The following MOBP variants were observed in gnomAD, a reference collection of about 807,000 sequenced individuals.
MOBP encodes the protein myelin-associated oligodendrocyte basic protein.
A neutral mutation model predicts 15.0 loss-of-function variants in MOBP; 5 were observed. The ratio of observed to expected loss-of-function variants is 0.33; its 90% CI spans 0.17 to 0.70. The LOEUF (loss-of-function observed/expected upper bound fraction) is 0.70, where lower values mean the gene tolerates loss of function less well. Among genes scored for constraint, MOBP ranks in the 30% least tolerant of loss-of-function variants. The pLI, the probability that MOBP is intolerant of heterozygous loss-of-function variation, is 0.67. For missense variants in MOBP, 188 were observed against 257.8 expected (o/e 0.73, Z 1.85); for synonymous variants, 88 against 99.0 (o/e 0.89, Z 0.66).
At chr3:39,484,113 A>G (rs2042666314) in intron 2 of MOBP, among the ~76,000 whole-genome samples, 1 of 152,244 alleles carries the variant, frequency 6.6e-6, no homozygotes, top group Admixed American at 6.5e-5. Flanking sequence ...TACAAGTTAT[A>G]AAGATAGCCC....
intron 1 of MOBP, among the ~76,000 whole-genome samples, chr3:39,469,972 A>T (rs1027741149): frequency 6.6e-6 from 1 of 152,192 alleles, no homozygotes; most frequent in South Asian, 2.1e-4. Flanking sequence ...TGAGGTATTC[A>T]ATTTAGATTC....
At chr3:39,470,115 G>A (rs2042448288) in intron 1 of MOBP, among the ~76,000 whole-genome samples, 1 of 152,180 alleles carries the variant, frequency 6.6e-6, no homozygotes, top group South Asian at 2.1e-4. Flanking sequence ...GCCACTCCAG[G>A]CTGGCTGGCA....
At chr3:39,520,574 A>G (rs35254642), downstream of MOBP, among the ~76,000 whole-genome samples, 11,117 of 132,316 alleles carry the variant, frequency 0.084, 1,335 homozygotes, top group African/African-American at 0.31. Context: ...GTGTGTGTGT[A>G]TGAGAGAGAG....
At chr3:39,494,492 A>G (rs2125646333) in intron 2 of MOBP, among the ~76,000 whole-genome samples, 1 of 152,070 alleles carries the variant, frequency 6.6e-6, no homozygotes, top group East Asian at 1.9e-4. Context: ...TCATCCTGCC[A>G]GAGAGTTCAT....
chr3:39,473,997 G>A (rs1488688819), intron 1 of MOBP, among the ~76,000 whole-genome samples: 3 of 152,208 alleles, frequency 2.0e-5, no homozygotes, highest in African/African-American at 7.2e-5. Flanking sequence ...GGAAATACCA[G>A]TCCAAGGTAG....
chr3:39,468,336 A>G (rs2042372962), intron 1 of MOBP, among the ~76,000 whole-genome samples: 1 of 152,208 alleles, frequency 6.6e-6, no homozygotes, highest in South Asian at 2.1e-4. Context: ...TATGGATGAC[A>G]GAGAAAGGAA....
chr3:39,476,793 T>A (rs940514428), intron 1 of MOBP, among the ~76,000 whole-genome samples: 3 of 152,180 alleles, frequency 2.0e-5, no homozygotes, highest in African/African-American at 7.2e-5. Flanking sequence ...TCTTATTCTT[T>A]ATGGAAAAGC....
downstream of MOBP, chr3:39,526,271 A>G (rs2043322900): frequency 1.3e-5 from 2 of 152,364 alleles, no homozygotes; most frequent in East Asian, 3.9e-4. Context: ...AATTCATGCA[A>G]AAAGTTAGAT....
At position 39,480,045 on chromosome 3, in the gene MOBP, A is replaced by G. The variant is rs2042606209; in HGVS notation, c.-83A>G. 6.6e-6 allele frequency: 1 copy of G among 152,074 alleles called. No homozygotes were observed. The highest frequency in any genetic ancestry group is 2.4e-5 in the African/African-American group (1 of 41,406). 9.4% of individuals were successfully genotyped at this position (152,074 alleles called of 1,614,324 possible). On this transcript the variant is annotated 5_prime_UTR_variant, in exon 2 of 4. Transcript: ENST00000684792. ...TTCTACTGCTTCACTTTTAGGAAAA[A>G]AAAAAAAAGAAGCAAATGATACCAA...
chr3:39,485,255 C>T (rs1025080130), intron 2 of MOBP, among the ~76,000 whole-genome samples: 1 of 152,202 alleles, frequency 6.6e-6, no homozygotes, highest in Non-Finnish European at 1.5e-5. Flanking sequence ...TCCTTAGAGA[C>T]AGCATGTAGT....
chr3:39,511,692 T>C (rs991188702), intron 4 of MOBP, among the ~76,000 whole-genome samples: 1 of 152,202 alleles, frequency 6.6e-6, no homozygotes, highest in Non-Finnish European at 1.5e-5. Flanking sequence ...TCCATCTTCC[T>C]TGCTGGATGG....
downstream of MOBP, among the ~76,000 whole-genome samples, chr3:39,507,322 A>G (rs986320588): frequency 3.3e-5 from 5 of 152,212 alleles, no homozygotes; most frequent in East Asian, 9.6e-4. Flanking sequence ...ACCTAAGCAC[A>G]TTGTAACTTC....
At chr3:39,508,842 T>G (rs1013227485) in intron 4 of MOBP, among the ~76,000 whole-genome samples, 2 of 152,098 alleles carry the variant, frequency 1.3e-5, no homozygotes, top group Non-Finnish European at 2.9e-5. Context: ...CCACCGCGCC[T>G]GGCCCCAACA....
downstream of MOBP, among the ~76,000 whole-genome samples, chr3:39,505,976 C>T (rs145778537): frequency 2.4e-3 from 359 of 152,276 alleles, no homozygotes; most frequent in African/African-American, 8.3e-3. Flanking sequence ...CCCACACGTT[C>T]ATCAGAATAT....
chr3:39,505,017 G>A (rs1226001319), downstream of MOBP, among the ~76,000 whole-genome samples: 4 of 152,308 alleles, frequency 2.6e-5, no homozygotes, highest in East Asian at 5.8e-4. Context: ...CTGATTGTAC[G>A]ATTTCCAGCA....
At position 39,502,484 on chromosome 3, in the gene MOBP, C is replaced by G; in HGVS notation, c.207-51C>G. 2 of 1,544,712 alleles carry G rather than the reference C, an allele frequency of 1.3e-6. No individual in the cohort carries two copies. The highest frequency in any genetic ancestry group is 1.7e-6 in the Non-Finnish European group (2 of 1,152,376). ...CCAGCTCCTGCCAGCGTCGCTTAAG[C>G]AGCAGAGGAGAGCCCTGGCTCCCGC... is the stretch of plus-strand genomic sequence containing the variant. On this transcript the variant is annotated intron_variant, in intron 3 of 3. Transcript: ENST00000684792. This position sits in a 1 kb window ranked among gnomAD's most constrained non-coding sequence, Gnocchi z 6.3.
At chr3:39,511,454 A>T (rs1007626366) in intron 4 of MOBP, among the ~76,000 whole-genome samples, 4 of 152,114 alleles carry the variant, frequency 2.6e-5, no homozygotes, top group African/African-American at 9.7e-5. Flanking sequence ...TGTACTAGTG[A>T]CCTGTTATTT....
chr3:39,487,578 C>T (rs1204652949), intron 2 of MOBP, among the ~76,000 whole-genome samples: 2 of 134,186 alleles, frequency 1.5e-5, no homozygotes, highest in Non-Finnish European at 3.1e-5. Flanking sequence ...GGCTGGAGTG[C>T]AGTGGTGTGA....
downstream of MOBP, among the ~76,000 whole-genome samples, chr3:39,517,379 A>G (rs1459542504): frequency 6.6e-6 from 1 of 152,072 alleles, no homozygotes; most frequent in Non-Finnish European, 1.5e-5. Flanking sequence ...GCAGCCTAGA[A>G]TTTTCTAAAC....
Sources: gnomAD v4.1 joint callset for allele counts (sites outside exome capture counted in the v4.1 genomes callset) on GRCh38, gnomAD v4.1.1 for gene constraint, Gnocchi (gnomAD v3.1) non-coding constraint, MANE v1.5 for transcripts, NCBI Gene and HGNC (gene_info 2026-07-23, HGNC 2026-07-21) for gene names.